The following GABPB1 variants were observed in gnomAD, a reference collection of about 807,000 sequenced individuals.
GABPB1 encodes GA binding protein transcription factor subunit beta 1.
In GABPB1, 15 loss-of-function variants were observed where a neutral mutation model predicts 45.9. That is an observed-to-expected ratio of 0.33 (90% confidence interval 0.22 to 0.50). The LOEUF (loss-of-function observed/expected upper bound fraction) is 0.50. GABPB1 is among the 20% of genes least tolerant of loss of function. The probability of loss-of-function intolerance (pLI) is 0.98; values close to 1 mark genes in which losing one functional copy is unlikely to be tolerated. For synonymous variants in GABPB1, 143 were observed against 154.4 expected, an observed-to-expected ratio of 0.93 and a Z score of 0.55; for missense variants, 252 against 457.5, an observed-to-expected ratio of 0.55 and a Z score of 4.10.
At chr15:50,279,305 G>A (rs1401864226) in intron 8 of GABPB1, among the ~76,000 whole-genome samples, 1 of 152,096 alleles carries the variant, frequency 6.6e-6, no homozygotes, top group South Asian at 2.1e-4. Context: ...CTCTCCCAAG[G>A]TCACATAGTA....
Position 50,301,147 on chromosome 15 carries a change from C to T in GABPB1, c.583+110G>A, listed in dbSNP as rs113072657. ...ATAGAATCTTACCCTCATTCTCCAA[C>T]CGTCCTTTCTTACAAGGATGAATAC... On this transcript the variant is annotated intron_variant, in intron 5 of 8. Coordinates refer to ENST00000380877, the MANE Select transcript of GABPB1 (RefSeq NM_016654.5). 12 of 1,428,000 alleles carry T rather than the reference C, an allele frequency of 8.4e-6. No individual in the cohort carries two copies. The African/African-American group carries it at 1.4e-4, about 17-fold the overall frequency. 88.5% of individuals were successfully genotyped at this position (1,428,000 alleles called of 1,614,324 possible). A position where few individuals can be genotyped will look rare whatever the true frequency, so the allele number is the denominator to read the frequency against.
chr15:50,300,853 T>C lies in GABPB1; in HGVS notation c.633A>G (p.Val211=). 6.2e-7 allele frequency: 1 copy of C among 1,613,232 alleles called. No individual in the cohort carries two copies. Among genetic ancestry groups the C allele is most frequent in the Non-Finnish European group, 8.5e-7 (1 of 1,179,272 alleles). ...AVQFGNSSTS[V]LATLAALAEA... ...CAGCTAAGGCAGCTAATGTAGCTAA[T>C]ACTGATGTAGAAGAGTTTCCAAACT... The change falls in exon 6 of 9, where the codon GTA becomes GTG. Residue 211 remains valine, a synonymous_variant. Transcript: ENST00000380877.
intron 3 of GABPB1, 101 bp from the exon 4 acceptor site, chr15:50,303,224 A>AT: frequency 2.3e-6 from 2 of 887,524 alleles, no homozygotes; most frequent in Non-Finnish European, 3.4e-6. Flanking sequence ...AGAACAAATA[A>AT]TGTAGTCAAT....
At chr15:50,332,164 C>T (rs1033911910) in intron 1 of GABPB1, among the ~76,000 whole-genome samples, 2 of 152,104 alleles carry the variant, frequency 1.3e-5, no homozygotes, top group African/African-American at 4.8e-5. Context: ...TATGAGCCAC[C>T]GTGCCCAGCC....
chr15:50,340,954 TA>T (rs2048349737), intron 1 of GABPB1, among the ~76,000 whole-genome samples: 1 of 18,248 alleles, frequency 5.5e-5, no homozygotes, highest in African/African-American at 4.9e-4. Flanking sequence ...CCATATGTAA[TA>T]TTACATATTA....
At chr15:50,321,706 A>T (rs1177337909) in intron 1 of GABPB1, among the ~76,000 whole-genome samples, 1 of 151,628 alleles carries the variant, frequency 6.6e-6, no homozygotes, top group African/African-American at 2.4e-5. Flanking sequence ...CGTCTCAGAA[A>T]AAAAAAAAAA....
At chr15:50,286,729 TGA>T (rs2046170961) in intron 7 of GABPB1, among the ~76,000 whole-genome samples, 1 of 152,202 alleles carries the variant, frequency 6.6e-6, no homozygotes, top group African/African-American at 2.4e-5. Context: ...TATTCCATTA[TGA>T]GCACTGATAG....
chr15:50,300,945 A>G, intron 5 of GABPB1, 43 bp from the exon 6 acceptor site: 1 of 1,137,722 alleles, frequency 8.8e-7, no homozygotes, highest in Non-Finnish European at 1.3e-6. Flanking sequence ...TAAGGAGCTT[A>G]ATCCAATGCA....
At chr15:50,348,097 A>G (rs941637768) in intron 1 of GABPB1, among the ~76,000 whole-genome samples, 2 of 152,176 alleles carry the variant, frequency 1.3e-5, no homozygotes, top group Admixed American at 6.6e-5. Flanking sequence ...AAAGTATCTT[A>G]TCCCTCAAGT....
At position 50,340,945 on chromosome 15, in the gene GABPB1, C is replaced by T. The variant is rs202166203; in HGVS notation, c.-1+14040G>A. Among the ~76,000 whole-genome samples the T allele has an allele frequency of 9.2e-4, 46 of 50,210 alleles. 6 individuals carry two copies. Among genetic ancestry groups the T allele is most frequent in the African/African-American group, 5.3e-3 (45 of 8,446 alleles). 32.9% of individuals were successfully genotyped at this position (50,210 alleles called of 152,430 possible). A position where few individuals can be genotyped will look rare whatever the true frequency, so the allele number is the denominator to read the frequency against. On this transcript the variant is annotated intron_variant, in intron 1 of 8. Transcript: ENST00000380877. ...TTACATATTACATATGGTTTATTAC[C>T]ATATGTAATATTACATATTACATAT...
chr15:50,308,578 A>T (rs75774331), intron 2 of GABPB1, among the ~76,000 whole-genome samples: 2 of 152,330 alleles, frequency 1.3e-5, no homozygotes, highest in South Asian at 4.1e-4. Context: ...AAGATCTCCT[A>T]TCAGACTTCT....
intron 1 of GABPB1, among the ~76,000 whole-genome samples, chr15:50,330,114 G>A (rs1220118711): frequency 6.6e-6 from 1 of 151,684 alleles, no homozygotes; most frequent in Non-Finnish European, 1.5e-5. Context: ...ATGTTGCCCA[G>A]GCTGGTCTCA....
intron 1 of GABPB1, among the ~76,000 whole-genome samples, chr15:50,346,557 A>G (rs1002652399): frequency 1.3e-5 from 2 of 151,412 alleles, no homozygotes; most frequent in African/African-American, 2.4e-5. Flanking sequence ...ACAAAATACC[A>G]TAAACTGGGT....
At chr15:50,289,700 A>G in intron 6 of GABPB1, 32 bp from the exon 7 acceptor site, 1 of 1,541,180 alleles carries the variant, frequency 6.5e-7, no homozygotes, top group South Asian at 1.2e-5. Flanking sequence ...CTCAGCAAAC[A>G]TATGTAACGG....
chr15:50,285,951 C>T, intron 8 of GABPB1, 117 bp downstream of exon 8: 2 of 1,455,226 alleles, frequency 1.4e-6, no homozygotes, highest in Non-Finnish European at 1.8e-6. Context: ...AATGAAAATA[C>T]TACGCACTTT....
intron 2 of GABPB1, among the ~76,000 whole-genome samples, chr15:50,305,832 A>T (rs1244535588): frequency 6.6e-6 from 1 of 151,980 alleles, no homozygotes; most frequent in African/African-American, 2.4e-5. Context: ...CTCAGGCTGG[A>T]GTCCAATGGG....
chr15:50,299,878 A>G (rs897709588), intron 6 of GABPB1, among the ~76,000 whole-genome samples: 7 of 151,438 alleles, frequency 4.6e-5, no homozygotes, highest in African/African-American at 1.7e-4. Flanking sequence ...ATGCAGTGGC[A>G]TGATCTTGGC....
intron 6 of GABPB1, among the ~76,000 whole-genome samples, chr15:50,292,674 A>G (rs1027480895): frequency 1.3e-5 from 2 of 152,208 alleles, no homozygotes; most frequent in Non-Finnish European, 2.9e-5. Flanking sequence ...AAAATGGACC[A>G]TATGTCAGAT....
In GABPB1 at chr15:50,276,717, T is replaced by C. The variant is rs1234335830; in HGVS notation, c.*1915A>G. ...GTCTGAAAGCAAAACTCTACAGTGA[T>C]TGCCCTCTGGGGTGAAGACACTGGC... On this transcript the variant is annotated 3_prime_UTR_variant, in exon 9 of 9. Transcript: ENST00000380877. 2.6e-5 allele frequency: 4 copies of C among 151,796 alleles called. No individual in the cohort carries two copies. Among genetic ancestry groups the C allele is most frequent in the Admixed American group, 6.6e-5 (1 of 15,172 alleles). The allele number at this position is 151,796 out of a possible 1,614,324, so 9.4% of individuals were successfully genotyped here. A position where few individuals can be genotyped will look rare whatever the true frequency, so the allele number is the denominator to read the frequency against.
Sources: gnomAD v4.1 joint callset for allele counts (sites outside exome capture counted in the v4.1 genomes callset) on GRCh38, gnomAD v4.1.1 for gene constraint, MANE v1.5 for transcripts, NCBI Gene and HGNC (gene_info 2026-07-23, HGNC 2026-07-21) for gene names.